Variants in TEAD1 observed in about 807,000 individuals in gnomAD.
TEAD1 encodes transcriptional enhancer factor TEF-1.
In TEAD1, 9 loss-of-function variants were observed where a neutral mutation model predicts 54.9. That is an observed-to-expected ratio of 0.16 (90% confidence interval 0.10 to 0.29). The LOEUF is 0.29. TEAD1 is among the 10% of genes least tolerant of loss of function. The pLI is 1.00. For missense variants in TEAD1, 387 were observed against 535.9 expected (o/e 0.72, Z 2.74); for synonymous variants, 200 against 187.8 (o/e 1.07, Z -0.53).
intron 3 of TEAD1, among the ~76,000 whole-genome samples, chr11:12,857,572 C>CTG (rs1292452021): frequency 1.1e-5 from 1 of 94,444 alleles, no homozygotes; most frequent in East Asian, 3.3e-4. Context: ...CTCTCTCTCT[C>CTG]TGTCTCTGTG....
intron 3 of TEAD1, among the ~76,000 whole-genome samples, chr11:12,841,180 T>A (rs539663277): frequency 4.6e-5 from 7 of 152,332 alleles, no homozygotes; most frequent in Non-Finnish European, 8.8e-5. Flanking sequence ...CTGAAAAATA[T>A]GTAGCCTCTG....
At chr11:12,821,836 A>C (rs933994855) in intron 3 of TEAD1, among the ~76,000 whole-genome samples, 11 of 151,864 alleles carry the variant, frequency 7.2e-5, no homozygotes, top group Non-Finnish European at 1.2e-4. Context: ...CATGGAACAC[A>C]CATGTCAGCT....
At chr11:12,799,818 C>G (rs532268900) in intron 3 of TEAD1, among the ~76,000 whole-genome samples, 1 of 152,110 alleles carries the variant, frequency 6.6e-6, no homozygotes, top group Non-Finnish European at 1.5e-5. Flanking sequence ...TTCTAACCTC[C>G]GTCAAAATAA....
rs145308756 is a variant in TEAD1, at chr11:12,846,739, C to G, written c.203-15511C>G. The stretch of plus-strand genomic sequence containing the variant: ...TCAATTAAATGCTGAATGTTATGCT[C>G]TCTGTCAGTGGTGGATTGAAGTAGG... On this transcript the variant is annotated intron_variant, in intron 3 of 12. Transcript: ENST00000527636. Among the ~76,000 whole-genome samples, 139 of 152,262 alleles carry G rather than the reference C, an allele frequency of 9.1e-4. 1 individual carries two copies. Among genetic ancestry groups the G allele is most frequent in the African/African-American group, 3.2e-3 (133 of 41,552 alleles).
intron 2 of TEAD1, among the ~76,000 whole-genome samples, chr11:12,684,843 A>C (rs988358542): frequency 6.6e-6 from 1 of 151,998 alleles, no homozygotes; most frequent in African/African-American, 2.4e-5. Flanking sequence ...AATAATTCAC[A>C]CTCATGTGAA....
At chr11:12,884,283 G>A (rs542067856) in intron 9 of TEAD1, among the ~76,000 whole-genome samples, 2 of 152,140 alleles carry the variant, frequency 1.3e-5, no homozygotes, top group African/African-American at 4.8e-5. Flanking sequence ...TCTGTGTGTG[G>A]GTGAGCCCAA....
chr11:12,708,848 G>A (rs1943872569), intron 2 of TEAD1, among the ~76,000 whole-genome samples: 1 of 152,176 alleles, frequency 6.6e-6, no homozygotes, highest in African/African-American at 2.4e-5. Context: ...AGATCAGCAT[G>A]AATAGTGTGA....
chr11:12,886,755 T>G (rs1046294565), intron 9 of TEAD1, among the ~76,000 whole-genome samples: 3 of 152,100 alleles, frequency 2.0e-5, no homozygotes, highest in African/African-American at 7.2e-5. Context: ...CTCAGGCTCC[T>G]GAGTAGCTGG....
chr11:12,726,505 T>C (rs1272880191), intron 2 of TEAD1, among the ~76,000 whole-genome samples: 1 of 152,134 alleles, frequency 6.6e-6, no homozygotes, highest in Non-Finnish European at 1.5e-5. Flanking sequence ...GGTTGGGATG[T>C]GTCATAAGTA....
intron 3 of TEAD1, among the ~76,000 whole-genome samples, chr11:12,840,063 T>C (rs1313219465): frequency 6.6e-6 from 1 of 151,624 alleles, no homozygotes; most frequent in African/African-American, 2.4e-5. Flanking sequence ...CTGGCTAACA[T>C]GGTGAAATCC....
intron 3 of TEAD1, among the ~76,000 whole-genome samples, chr11:12,799,068 T>G (rs1222957576): frequency 6.6e-6 from 1 of 152,228 alleles, no homozygotes; most frequent in East Asian, 1.9e-4. Context: ...GGCTTTTCTA[T>G]CTGTAGACCC....
intron 12 of TEAD1, 95 bp downstream of exon 12, chr11:12,930,421 G>A (rs1009706395): frequency 3.1e-5 from 46 of 1,464,504 alleles, no homozygotes; most frequent in African/African-American, 4.2e-5. Context: ...GGCCTGCGCC[G>A]AGGGAACTGA....
chr11:12,682,139 G>A (rs933872205), intron 2 of TEAD1, among the ~76,000 whole-genome samples: 1 of 152,184 alleles, frequency 6.6e-6, no homozygotes, highest in African/African-American at 2.4e-5. Context: ...ATAGAATCAG[G>A]TTAAATTTGG....
intron 5 of TEAD1, among the ~76,000 whole-genome samples, chr11:12,867,883 C>G (rs1263441962): frequency 6.6e-6 from 1 of 152,138 alleles, no homozygotes; most frequent in Non-Finnish European, 1.5e-5. Flanking sequence ...AGACACTGTG[C>G]TTTGCCTGGG....
At chr11:12,916,435 A>C (rs1948713631) in intron 10 of TEAD1, among the ~76,000 whole-genome samples, 1 of 152,120 alleles carries the variant, frequency 6.6e-6, no homozygotes, top group African/African-American at 2.4e-5. Context: ...TCTAGATGTG[A>C]TTTGAGGCTC....
intron 2 of TEAD1, among the ~76,000 whole-genome samples, chr11:12,707,137 T>C (rs199965924): frequency 0.023 from 2,964 of 127,744 alleles, 112 homozygotes; most frequent in African/African-American, 0.088. Flanking sequence ...TTTTTTTTTT[T>C]CAGAAGCATG....
rs10694132 is a variant in TEAD1, at chr11:12,857,578, C to CTGTGTGTGTGTGTGTGTGTGTG, written c.203-4658_203-4637dup. On this transcript the variant is annotated intron_variant, in intron 3 of 12. Coordinates refer to ENST00000527636, the MANE Select transcript of TEAD1 (RefSeq NM_021961.6). ...ATCAAGCATCTCTCTCTCTCTGTCT[C>CTGTGTGTGTGTGTGTGTGTGTG]TGTGTGTGTGTGTGTGTGTGTGTGT... is the stretch of plus-strand genomic sequence containing the variant. Among the ~76,000 whole-genome samples, 556 of 145,838 alleles carry CTGTGTGTGTGTGTGTGTGTGTG rather than the reference C, an allele frequency of 3.8e-3. 5 individuals are homozygous for CTGTGTGTGTGTGTGTGTGTGTG. The highest frequency in any genetic ancestry group is 0.014 in the African/African-American group (537 of 38,806).
chr11:12,695,823 G>T (rs1943568826), intron 2 of TEAD1, among the ~76,000 whole-genome samples: 1 of 152,186 alleles, frequency 6.6e-6, no homozygotes, highest in Non-Finnish European at 1.5e-5. Context: ...CTTGAGTTCT[G>T]TTTGTGTGTT....
At chr11:12,788,053 C>T (rs1317821108) in intron 3 of TEAD1, among the ~76,000 whole-genome samples, 2 of 151,554 alleles carry the variant, frequency 1.3e-5, no homozygotes, top group Non-Finnish European at 2.9e-5. Context: ...ACCTCCGCCT[C>T]CAGAGTTCGG....
Sources: gnomAD v4.1 joint callset for allele counts (sites outside exome capture counted in the v4.1 genomes callset) on GRCh38, gnomAD v4.1.1 for gene constraint, MANE v1.5 for transcripts, NCBI Gene and HGNC (gene_info 2026-07-23, HGNC 2026-07-21) for gene names.